The following USP11 variants were observed in gnomAD, a reference collection of about 807,000 sequenced individuals.
USP11 encodes the protein ubiquitin specific peptidase 11, also known as ubiquitin carboxyl-terminal hydrolase 11.
Under a neutral mutation model 72.8 loss-of-function variants are expected in USP11, and 5 were observed. The ratio of observed to expected loss-of-function variants is 0.07; its 90% CI spans 0.04 to 0.14. The LOEUF is 0.14. USP11 is among the 10% of genes least tolerant of loss of function. The pLI is 1.00. For synonymous variants in USP11, 368 were observed against 326.5 expected (o/e 1.13, Z -1.37); for missense variants, 480 against 794.7 (o/e 0.60, Z 4.76).
chrX:47,247,906 C>T lies in USP11; in HGVS notation c.2739C>T (p.Ser913=), dbSNP rs1443758337. 1 of 1,196,707 alleles carries T rather than the reference C, an allele frequency of 8.4e-7. No individual in the cohort carries two copies. Residue 913 remains serine, a synonymous_variant, in exon 21 of 21, where the codon AGC becomes AGT. Coordinates refer to ENST00000377107, the MANE Select transcript of USP11 (RefSeq NM_001371072.1). ...PASPACSSPP[S]SEFMDVN ...CCCCTGCCTGCAGCTCCCCACCCAG[C>T]TCTGAGTTCATGGATGTTAATTGAG...
chrX:47,239,377 G>A lies in USP11; in HGVS notation c.313G>A (p.Gly105Arg). 3.3e-6 allele frequency: 4 copies of A among 1,211,456 alleles called. No homozygotes were observed. The highest frequency in any genetic ancestry group is 4.5e-6 in the Non-Finnish European group (4 of 895,364). The change falls in exon 3 of 21, where the codon GGA (glycine) becomes AGA (arginine). Residue 105 changes from glycine to arginine, a missense_variant. Transcript: ENST00000377107. ...TGAGATAAACTGGCGCCTCAAGGAG[G>A]GACTGGTGGAAGGCGAGGATTATGT... ...QDEINWRLKE[G>R]LVEGEDYVLL...
At chrX:47,246,796 G>A (rs2055435679) in intron 17 of USP11, among the ~76,000 whole-genome samples, 1 of 110,808 alleles carries the variant, frequency 9.0e-6, no homozygotes, top group Non-Finnish European at 1.9e-5. Context: ...CGACACGGGT[G>A]GATCACCTGA....
chrX:47,239,760 AC>A, intron 3 of USP11, 29 bp from the exon 4 acceptor site: 3 of 1,185,374 alleles, frequency 2.5e-6, no homozygotes, highest in Non-Finnish European at 3.4e-6. Flanking sequence ...GTGTGAGTAC[AC>A]CTGTGTCTGC....
At chrX:47,247,746 C>T in intron 20 of USP11, 47 bp downstream of exon 20, 3 of 1,208,920 alleles carry the variant, frequency 2.5e-6, no homozygotes, top group Non-Finnish European at 3.4e-6. Context: ...TCTGATTCCA[C>T]CTCCCCACCC....
In USP11 at chrX:47,247,896, C is replaced by T. The variant is rs779246297; in HGVS notation, c.2729C>T (p.Ser910Phe). The T allele has an allele frequency of 1.5e-5, 18 of 1,202,744 alleles. No homozygotes were observed. Among genetic ancestry groups the T allele is most frequent in the Non-Finnish European group, 1.9e-5 (17 of 892,927 alleles). ...GCCCCAGCCTCCCCTGCCTGCAGCT[C>T]CCCACCCAGCTCTGAGTTCATGGAT... ...SGAPASPACS[S>F]PPSSEFMDVN Residue 910 changes from serine (S) to phenylalanine (F), a missense_variant, in exon 21 of 21, where the codon TCC (serine) becomes TTC (phenylalanine). Physicochemically the swap from Ser to Phe is radical, Grantham distance 155. Transcript: ENST00000377107.
Position 47,247,228 on chromosome X carries a change from G to A in USP11, c.2420+7G>A. 2.5e-6 allele frequency: 3 copies of A among 1,211,202 alleles called. No homozygotes were observed. The highest frequency in any genetic ancestry group is 1.8e-5 in the South Asian group (1 of 56,911). On this transcript the variant is annotated splice_region_variant and intron_variant, in intron 18 of 20. Coordinates refer to ENST00000377107, the MANE Select transcript of USP11 (RefSeq NM_001371072.1). ...TCGTGGAGTTTCCTATCCGGTCAGGGGCCAGGGAGAGGATGGCTGGGGGAA... is the reference window on the plus strand; with the variant it reads ...TCGTGGAGTTTCCTATCCGGTCAGGAGCCAGGGAGAGGATGGCTGGGGGAA...
rs778277255 is a variant in USP11 at position 47,247,639 on chromosome X, C to T, written c.2565C>T (p.Ser855=). 6 of 1,208,891 alleles carry T rather than the reference C, an allele frequency of 5.0e-6. No individual in the cohort carries two copies. The African/African-American group carries it at 5.3e-5, about 11-fold the overall frequency. The change falls in exon 20 of 21, where the codon AGC becomes AGT. Residue 855 remains serine, a synonymous_variant. Transcript: ENST00000377107. ...CAACATTTGCCTGCAACAAGGACAG[C>T]GGCCAGTGGCACTACTTTGATGACA... The part of the protein sequence containing the change: ...HYTTFACNKD[S]GQWHYFDDNS...
At chrX:47,246,945 C>T in intron 17 of USP11, 127 bp from the exon 18 acceptor site, 1 of 899,169 alleles carries the variant, frequency 1.1e-6, no homozygotes. Context: ...CGCTTGAACC[C>T]AGGAGGTGGA....
intron 3 of USP11, 102 bp from the exon 4 acceptor site, chrX:47,239,688 A>G: frequency 3.0e-6 from 3 of 1,002,223 alleles, no homozygotes; most frequent in South Asian, 2.1e-5. Context: ...GTGTGTTTGT[A>G]TGCTATGTTT....
At chrX:47,237,742 C>G (rs1164672876) in intron 1 of USP11, among the ~76,000 whole-genome samples, 1 of 109,029 alleles carries the variant, frequency 9.2e-6, no homozygotes, top group Non-Finnish European at 1.9e-5. Context: ...TTTGGGATAG[C>G]CTTTTATGTG....
chrX:47,240,831 C>T lies in USP11; in HGVS notation c.801C>T (p.Gly267=). Residue 267 remains glycine, a synonymous_variant, in exon 7 of 21, where the codon GGC becomes GGT. Transcript: ENST00000377107. ...EDFKGQPGIC[G]LTNLGNTCFM... ...TCAAGGGTCAGCCAGGCATCTGTGG[C>T]CTCACCAATCTGGGCAACACGTGCT... 1 of 1,211,679 alleles carries T rather than the reference C, an allele frequency of 8.3e-7. No individual in the cohort carries two copies. The highest frequency in any genetic ancestry group is 1.7e-5 in the African/African-American group (1 of 57,869).
At chrX:47,245,654 C>T (rs1339375970) in intron 17 of USP11, among the ~76,000 whole-genome samples, 172 bp downstream of exon 17, 8 of 108,804 alleles carry the variant, frequency 7.4e-5, no homozygotes, top group African/African-American at 2.7e-4. Flanking sequence ...AAGCTGTTCT[C>T]CTGCCTAAGT....
At position 47,245,005 on chromosome X, in the gene USP11, C is replaced by G. The variant is rs1409811796; in HGVS notation, c.2087-11C>G. The G allele has an allele frequency of 8.3e-7, 1 of 1,211,713 alleles. No individual in the cohort carries two copies. The highest frequency in any genetic ancestry group is 1.1e-6 in the Non-Finnish European group (1 of 895,372). The stretch of plus-strand genomic sequence containing the variant: ...CAGCAGGATCCATGACCACCTCTCC[C>G]TCACCCCCAGCCCAGCCGTACATTG... On this transcript the variant is annotated splice_polypyrimidine_tract_variant and intron_variant, in intron 15 of 20. Transcript: ENST00000377107.
In USP11 at chrX:47,242,064, C is replaced by T. The variant is rs201012398; in HGVS notation, c.1180-18C>T. 1 of 1,202,625 alleles carries T rather than the reference C, an allele frequency of 8.3e-7. No individual in the cohort carries two copies. The highest frequency in any genetic ancestry group is 1.7e-5 in the African/African-American group (1 of 57,249). ...TACCCTGGGCAAGCCCCACCACCCACCATGACACTATCAACAGGAGGTGGC... is the reference window on the plus strand; with the variant it reads ...TACCCTGGGCAAGCCCCACCACCCATCATGACACTATCAACAGGAGGTGGC... On this transcript the variant is annotated intron_variant, in intron 9 of 20. Transcript: ENST00000377107.
intron 16 of USP11, 107 bp from the exon 17 acceptor site, chrX:47,245,263 G>A (rs1007811887): frequency 1.2e-5 from 11 of 917,367 alleles, no homozygotes; most frequent in African/African-American, 1.2e-4. Flanking sequence ...CTTCAAAGTC[G>A]GTGCTCTGAC....
intron 12 of USP11, 27 bp from the exon 13 acceptor site, chrX:47,243,369 G>A: frequency 8.3e-7 from 1 of 1,209,821 alleles, no homozygotes; most frequent in Non-Finnish European, 1.1e-6. Context: ...GCCCTGATCA[G>A]GTGTGCCTGC....
At chrX:47,238,187 CTTTT>C (rs756979418) in intron 1 of USP11, among the ~76,000 whole-genome samples, 4 of 84,353 alleles carry the variant, frequency 4.7e-5, no homozygotes, top group African/African-American at 8.7e-5. Context: ...ATATGCAGTT[CTTTT>C]TTTTTTTTTT....
At chrX:47,246,028 G>A (rs1362868250) in intron 17 of USP11, among the ~76,000 whole-genome samples, 1 of 111,263 alleles carries the variant, frequency 9.0e-6, no homozygotes, top group Non-Finnish European at 1.9e-5. Flanking sequence ...TCAGGTCTCC[G>A]ATCAAATGTG....
chrX:47,240,169 G>A, intron 4 of USP11, 136 bp from the exon 5 acceptor site: 1 of 912,070 alleles, frequency 1.1e-6, no homozygotes, highest in Non-Finnish European at 1.5e-6. Flanking sequence ...GTGTGGGCCA[G>A]TCATTTGGAG....
Sources: gnomAD v4.1 joint callset for allele counts (sites outside exome capture counted in the v4.1 genomes callset) on GRCh38, gnomAD v4.1.1 for gene constraint, MANE v1.5 for transcripts, NCBI Gene and HGNC (gene_info 2026-07-23, HGNC 2026-07-21) for gene names.